The following PARD3 variants were observed in gnomAD, a reference collection of about 807,000 sequenced individuals.
The protein encoded by PARD3 is partitioning defective 3 homolog.
A neutral mutation model predicts 155.4 loss-of-function variants in PARD3; 75 were observed. The ratio of observed to expected loss-of-function variants is 0.48; its 90% CI spans 0.40 to 0.58. The LOEUF is 0.58. Ranked by LOEUF, PARD3 falls within the 20% of genes least tolerant of loss-of-function variation. The pLI is 0.00. For synonymous variants in PARD3, 576 were observed against 610.5 expected, an observed-to-expected ratio of 0.94 and a Z score of 0.83; for missense variants, 1,642 against 1,721.7, an observed-to-expected ratio of 0.95 and a Z score of 0.82.
chr10:34,549,340 T>C (rs1237790402), intron 2 of PARD3, among the ~76,000 whole-genome samples: 1 of 152,202 alleles, frequency 6.6e-6, no homozygotes, highest in Admixed American at 6.5e-5. Context: ...TTGATGGACC[T>C]CATAGTCCAA....
rs559299115 is a variant in PARD3 at position 34,519,277 on chromosome 10, A to G, written c.223-2118T>C. Among the ~76,000 whole-genome samples, 4 of 152,330 alleles carry G rather than the reference A, an allele frequency of 2.6e-5. 1 individual carries two copies. In the South Asian group the frequency reaches 8.3e-4, roughly 32 times the overall value. On this transcript the variant is annotated intron_variant, in intron 2 of 24. Transcript: ENST00000374788. ...TCTGATTAGTTGACAGTACTGACTC[A>G]GTGTGAGTTTCTTTCTTTTGATAAT... is the stretch of plus-strand genomic sequence containing the variant.
At chr10:34,185,835 A>ATTATATTATATTATG in intron 22 of PARD3, among the ~76,000 whole-genome samples, 1 of 148,236 alleles carries the variant, frequency 6.7e-6, no homozygotes, top group South Asian at 2.1e-4. Context: ...ATTATATTAT[A>ATTATATTATATTATG]TTATATTATA....
intron 1 of PARD3, among the ~76,000 whole-genome samples, chr10:34,756,150 C>CATTTTT (rs755572719): frequency 1.1e-5 from 1 of 94,544 alleles, no homozygotes; most frequent in African/African-American, 4.2e-5. Flanking sequence ...AAAAATGCAC[C>CATTTTT]TTTTTTTTTT....
At chr10:34,750,496 CACACACACA>C (rs1403962192) in intron 1 of PARD3, among the ~76,000 whole-genome samples, 1 of 148,004 alleles carries the variant, frequency 6.8e-6, no homozygotes, top group Non-Finnish European at 1.5e-5. Flanking sequence ...CACACACACA[CACACACACA>C]CACACCCTAA....
chr10:34,528,650 G>T (rs1038227083), intron 2 of PARD3, among the ~76,000 whole-genome samples: 14 of 152,192 alleles, frequency 9.2e-5, no homozygotes, highest in African/African-American at 3.4e-4. Flanking sequence ...ATTTGAGAAA[G>T]TTTCAAGAGA....
intron 1 of PARD3, among the ~76,000 whole-genome samples, chr10:34,707,236 C>A (rs1258940475): frequency 6.7e-6 from 1 of 150,238 alleles, no homozygotes; most frequent in Non-Finnish European, 1.5e-5. Context: ...CAGAGTGAGA[C>A]CCTGTCTCAA....
intron 3 of PARD3, among the ~76,000 whole-genome samples, chr10:34,504,232 G>A (rs961704676): frequency 1.3e-5 from 2 of 151,544 alleles, no homozygotes; most frequent in Admixed American, 6.6e-5. Flanking sequence ...TGGTTCAAAC[G>A]AGCCACTTGC....
intron 15 of PARD3, chr10:34,346,050 T>A: frequency 1.0e-6 from 1 of 986,738 alleles, no homozygotes. Context: ...AGTAACGCAT[T>A]TGTCACCCCC....
At chr10:34,337,519 T>A in intron 16 of PARD3, 93 bp from the exon 17 acceptor site, 1 of 602,780 alleles carries the variant, frequency 1.7e-6, no homozygotes, top group Non-Finnish European at 2.6e-6. Context: ...AGTGTAAATA[T>A]ACATATGTAT....
At chr10:34,583,761 T>C (rs1019829519) in intron 2 of PARD3, among the ~76,000 whole-genome samples, 3 of 152,210 alleles carry the variant, frequency 2.0e-5, no homozygotes, top group African/African-American at 7.2e-5. Flanking sequence ...TTAGTATTGA[T>C]CTTATGTTAA....
chr10:34,129,700 C>CTTT (rs1209547388), intron 23 of PARD3, among the ~76,000 whole-genome samples: 1,475 of 82,910 alleles, frequency 0.018, 38 homozygotes, highest in African/African-American at 0.047. Context: ...TGTCAAGCCT[C>CTTT]TTTTTTTTTT....
chr10:34,278,235 A>T (rs1215269591), intron 21 of PARD3, among the ~76,000 whole-genome samples: 1 of 151,696 alleles, frequency 6.6e-6, no homozygotes, highest in East Asian at 1.9e-4. Context: ...ATTTTTAGGG[A>T]CAGAGTCTTG....
chr10:34,336,106 A>G (rs1006396412), intron 18 of PARD3, 93 bp downstream of exon 18: 18 of 857,500 alleles, frequency 2.1e-5, no homozygotes, highest in Non-Finnish European at 3.9e-6. Flanking sequence ...TGGAATATGT[A>G]TGTTTACATG....
intron 3 of PARD3, among the ~76,000 whole-genome samples, chr10:34,511,317 G>A (rs2081384991): frequency 6.6e-6 from 1 of 152,070 alleles, no homozygotes; most frequent in Non-Finnish European, 1.5e-5. Flanking sequence ...ACAATGTTTG[G>A]TTGTCTCTCC....
At chr10:34,646,702 G>A (rs1015545894) in intron 2 of PARD3, among the ~76,000 whole-genome samples, 2 of 152,184 alleles carry the variant, frequency 1.3e-5, no homozygotes, top group Non-Finnish European at 2.9e-5. Flanking sequence ...GTCTCGTTCT[G>A]TCGCCCAGGC....
rs990130205 is a variant in PARD3 at position 34,702,079 on chromosome 10, C to T, written c.121-5660G>A. ...ACTCAGGAGGCTGAGGCAGGAGAAT[C>T]GCTTGAACCCGGGAGGCAGAGGTTG... On this transcript the variant is annotated intron_variant, in intron 1 of 24. Coordinates refer to ENST00000374788, the MANE Select transcript of PARD3 (RefSeq NM_001184785.2). Among the ~76,000 whole-genome samples, 20 of 151,992 alleles carry T rather than the reference C, an allele frequency of 1.3e-4. 1 individual carries two copies. Among genetic ancestry groups the T allele is most frequent in the African/African-American group, 4.8e-4 (20 of 41,458 alleles).
chr10:34,419,007 C>T (rs1845939346), intron 5 of PARD3, among the ~76,000 whole-genome samples: 1 of 152,082 alleles, frequency 6.6e-6, no homozygotes, highest in South Asian at 2.1e-4. Context: ...AACTCCTGGG[C>T]TCAAGCAATC....
intron 3 of PARD3, among the ~76,000 whole-genome samples, chr10:34,508,354 A>T (rs775060003): frequency 6.6e-6 from 1 of 152,208 alleles, no homozygotes; most frequent in Non-Finnish European, 1.5e-5. Context: ...TTATAGCAAC[A>T]CCATTTCCAG....
chr10:34,330,489 T>C (rs1280326657), intron 19 of PARD3, among the ~76,000 whole-genome samples: 1 of 151,726 alleles, frequency 6.6e-6, no homozygotes, highest in Non-Finnish European at 1.5e-5. Flanking sequence ...GAGTAATTCC[T>C]GAAAGCAAAA....
Sources: allele counts gnomAD v4.1 joint callset (sites outside exome capture counted in the v4.1 genomes callset), GRCh38; gene constraint gnomAD v4.1.1; transcripts MANE v1.5; gene names NCBI Gene and HGNC (gene_info 2026-07-23, HGNC 2026-07-21).